TOX2: variants seen among roughly 807,000 people sequenced by gnomAD.
The protein encoded by TOX2 is granulosa cell HMG box 1.
A neutral mutation model predicts 47.4 loss-of-function variants in TOX2; 15 were observed. That is an observed-to-expected ratio of 0.32 (90% confidence interval 0.21 to 0.49). The LOEUF (loss-of-function observed/expected upper bound fraction) is 0.49. Among genes scored for constraint, TOX2 ranks in the 20% least tolerant of loss-of-function variants. TOX2 has a pLI of 0.99. For synonymous variants in TOX2, 290 were observed against 296.6 expected (o/e 0.98, Z 0.23); for missense variants, 622 against 673.1 (o/e 0.92, Z 0.84).
At chr20:44,000,845 G>A (rs2070566634) in intron 2 of TOX2, among the ~76,000 whole-genome samples, 2 of 152,150 alleles carry the variant, frequency 1.3e-5, no homozygotes, top group Admixed American at 1.3e-4. Context: ...GAAGCCAAGT[G>A]AAGAAGTTTG....
chr20:44,011,747 C>T (rs1000880395), intron 3 of TOX2, among the ~76,000 whole-genome samples: 6 of 152,210 alleles, frequency 3.9e-5, no homozygotes, highest in Admixed American at 6.5e-5. Context: ...CCTGGAGAGG[C>T]GGGCAAGGCC....
At chr20:44,028,782 A>C (rs977225449) in intron 3 of TOX2, among the ~76,000 whole-genome samples, 2 of 152,162 alleles carry the variant, frequency 1.3e-5, no homozygotes, top group Non-Finnish European at 2.9e-5. Flanking sequence ...ATAGAAACTG[A>C]AGATCAAATT....
chr20:44,043,921 T>C (rs1482823297), intron 3 of TOX2, among the ~76,000 whole-genome samples: 1 of 152,226 alleles, frequency 6.6e-6, no homozygotes, highest in Non-Finnish European at 1.5e-5. Context: ...GCCATCCCAT[T>C]ACTGGGTATA....
At chr20:43,951,952 A>C (rs2069582184) in intron 1 of TOX2, among the ~76,000 whole-genome samples, 1 of 151,758 alleles carries the variant, frequency 6.6e-6, no homozygotes, top group African/African-American at 2.4e-5. Context: ...GCTGGAGTGC[A>C]GTGGTGCGAT....
At position 44,006,056 on chromosome 20, in the gene TOX2, C is replaced by A. The variant is rs139914489; in HGVS notation, c.166-491C>A. 4.6e-3 allele frequency among the ~76,000 whole-genome samples: 702 copies of A among 152,266 alleles called. 8 individuals are homozygous for A. Among genetic ancestry groups the A allele is most frequent in the African/African-American group, 0.016 (660 of 41,534 alleles). On this transcript the variant is annotated intron_variant, in intron 2 of 8. Transcript: ENST00000341197. ...TACCAAGATGAGAAAGACTGAGAAG[C>A]CTTGGGCTGAGTGTTGGGAGCACAA...
intron 1 of TOX2, among the ~76,000 whole-genome samples, chr20:43,923,335 A>G (rs1214377076): frequency 3.3e-5 from 5 of 152,156 alleles, no homozygotes; most frequent in Non-Finnish European, 5.9e-5. Flanking sequence ...GCTGATGGGA[A>G]AGTCTAATGA....
intron 1 of TOX2, among the ~76,000 whole-genome samples, chr20:43,961,102 C>T (rs1346193314): frequency 6.6e-6 from 1 of 152,246 alleles, no homozygotes; most frequent in African/African-American, 2.4e-5. Context: ...GGGTCCAATA[C>T]ATGTTTTACG....
intron 4 of TOX2, among the ~76,000 whole-genome samples, chr20:44,053,629 C>CAT (rs57772354): frequency 0.011 from 1,599 of 150,376 alleles, 13 homozygotes; most frequent in African/African-American, 0.02. Flanking sequence ...CACACACACA[C>CAT]GTATATACAC....
intron 2 of TOX2, among the ~76,000 whole-genome samples, chr20:43,978,503 A>G (rs1034378626): frequency 2.0e-5 from 3 of 152,160 alleles, no homozygotes; most frequent in Admixed American, 6.5e-5. Context: ...TACCATATAT[A>G]ATGCTTTGGT....
intron 5 of TOX2, 134 bp from the exon 6 acceptor site, chr20:44,064,643 G>GCTGA (rs2071777545): frequency 2.6e-6 from 2 of 782,704 alleles, no homozygotes; most frequent in Non-Finnish European, 4.2e-6. Context: ...CCAGTGGCTG[G>GCTGA]CTGACTCAGC....
At chr20:44,044,196 G>A (rs1161832581) in intron 3 of TOX2, among the ~76,000 whole-genome samples, 1 of 152,022 alleles carries the variant, frequency 6.6e-6, no homozygotes, top group Non-Finnish European at 1.5e-5. Context: ...CAAACACCAC[G>A]TGTTGTCACT....
At chr20:44,055,674 G>A (rs2071604335) in intron 5 of TOX2, among the ~76,000 whole-genome samples, 1 of 152,160 alleles carries the variant, frequency 6.6e-6, no homozygotes, top group Non-Finnish European at 1.5e-5. Flanking sequence ...GGTAAGAGTG[G>A]ATGTGGAGGG....
At chr20:43,991,751 C>G (rs1294228891) in intron 2 of TOX2, among the ~76,000 whole-genome samples, 3 of 151,976 alleles carry the variant, frequency 2.0e-5, no homozygotes, top group Non-Finnish European at 4.4e-5. Flanking sequence ...TCAAGCAATT[C>G]TGCTGCTTCA....
chr20:44,053,433 G>GATATATAT (rs144334824), intron 4 of TOX2, among the ~76,000 whole-genome samples: 1,692 of 98,116 alleles, frequency 0.017, 48 homozygotes, highest in African/African-American at 0.052. Context: ...TGGGAGGGCA[G>GATATATAT]ATATATACAC....
At chr20:44,058,428 T>C (rs77653771) in intron 5 of TOX2, among the ~76,000 whole-genome samples, 401 of 152,276 alleles carry the variant, frequency 2.6e-3, no homozygotes, top group African/African-American at 9.3e-3. Flanking sequence ...TACCTGATGG[T>C]CTTTCTCTAC....
intron 1 of TOX2, among the ~76,000 whole-genome samples, chr20:43,940,459 A>G (rs1162808603): frequency 6.6e-6 from 1 of 151,728 alleles, no homozygotes; most frequent in Non-Finnish European, 1.5e-5. Context: ...CCTGATCTCA[A>G]GCAATCCTCC....
intron 1 of TOX2, among the ~76,000 whole-genome samples, chr20:43,970,984 C>G (rs151056494): frequency 6.6e-6 from 1 of 152,322 alleles, no homozygotes; most frequent in Admixed American, 6.5e-5. Context: ...AGTGCCCAAA[C>G]TCTAGGCATG....
intron 1 of TOX2, among the ~76,000 whole-genome samples, chr20:43,946,349 G>A (rs912650978): frequency 1.9e-4 from 29 of 152,290 alleles, no homozygotes; most frequent in African/African-American, 7.0e-4. Flanking sequence ...GCCTGGCCAG[G>A]TGTGGGTTGG....
chr20:43,994,586 T>C (rs2070436360), intron 2 of TOX2, among the ~76,000 whole-genome samples: 1 of 152,160 alleles, frequency 6.6e-6, no homozygotes, highest in Admixed American at 6.5e-5. Context: ...ATCCCCAGCC[T>C]TGCGACTTTT....
Sources: gnomAD v4.1 joint callset for allele counts (sites outside exome capture counted in the v4.1 genomes callset) on GRCh38, gnomAD v4.1.1 for gene constraint, MANE v1.5 for transcripts, NCBI Gene and HGNC (gene_info 2026-07-23, HGNC 2026-07-21) for gene names.